HNRNPU: variants seen among roughly 807,000 people sequenced by gnomAD.
HNRNPU encodes the protein HNRNPU antisense RNA 1.
Under a neutral mutation model 94.7 loss-of-function variants are expected in HNRNPU, and 5 were observed. The observed-to-expected ratio is 0.05, with a 90% CI of 0.03 to 0.11. The LOEUF (loss-of-function observed/expected upper bound fraction) is 0.11. Among genes scored for constraint, HNRNPU ranks in the 10% least tolerant of loss-of-function variants. The pLI is 1.00. For synonymous variants in HNRNPU, 434 were observed against 381.6 expected, an observed-to-expected ratio of 1.14 and a Z score of -1.60; for missense variants, 710 against 1,049.2, an observed-to-expected ratio of 0.68 and a Z score of 4.47.
chr1:244,857,989 T>C, intron 7 of HNRNPU, 22 bp downstream of exon 7: 4 of 1,375,230 alleles, frequency 2.9e-6, no homozygotes, highest in Non-Finnish European at 4.0e-6. Flanking sequence ...ATGCCACAGT[T>C]AAAAAAAAAA....
chr1:244,858,092 T>C lies in HNRNPU; in HGVS notation c.1413A>G (p.Glu471=), dbSNP rs1297107643. Residue 471 remains glutamate, a synonymous_variant, in exon 7 of 14, where the codon GAA becomes GAG. Coordinates refer to ENST00000640218, the MANE Select transcript of HNRNPU (RefSeq NM_031844.3). ...QKEKPYFPIP[E]EYTFIQNVPL... The stretch of plus-strand genomic sequence containing the variant: ...GGACGTTCTGGATGAAAGTATACTC[T>C]TCAGGTATTGGAAAATATGGCTTTT... The C allele has an allele frequency of 1.9e-6, 3 of 1,614,066 alleles. No homozygotes were observed. The highest frequency in any genetic ancestry group is 2.2e-5 in the East Asian group (1 of 44,876).
chr1:244,856,391 A>C, intron 10 of HNRNPU, 66 bp downstream of exon 10: 1 of 1,485,436 alleles, frequency 6.7e-7, no homozygotes, highest in Non-Finnish European at 9.2e-7. Flanking sequence ...ACACAAGCAG[A>C]ATATGTAGGA....
chr1:244,862,500 C>T lies in HNRNPU; in HGVS notation c.838G>A (p.Asp280Asn), dbSNP rs1428488192. The T allele has an allele frequency of 6.2e-6, 10 of 1,613,310 alleles. No homozygotes were observed. The highest frequency in any genetic ancestry group is 3.3e-5 in the Admixed American group (2 of 59,968). Reference protein sequence around the residue: ...KSPQPPVEEEDEHFDDTVVCL... With the variant: ...KSPQPPVEEENEHFDDTVVCL... ...ACCACTGTGTCATCGAAGTGTTCATCTTCTTCTTCAACAGGTGGCTGAGGA... is the reference window on the plus strand; with the variant it reads ...ACCACTGTGTCATCGAAGTGTTCATTTTCTTCTTCAACAGGTGGCTGAGGA... The change falls in exon 3 of 14, where the codon GAT becomes AAT. Residue 280 changes from aspartate to asparagine, a missense_variant. Transcript: ENST00000640218.
chr1:244,862,418 CCAT>C (rs1680861888), intron 3 of HNRNPU, 40 bp downstream of exon 3: 9 of 1,108,864 alleles, frequency 8.1e-6, no homozygotes, highest in African/African-American at 1.9e-5. Flanking sequence ...AAAAAAACCA[CCAT>C]CACCGCATTT....
At chr1:244,863,015 A>C (rs1394054109) in intron 1 of HNRNPU, 1 of 381,466 alleles carries the variant, frequency 2.6e-6, no homozygotes, top group South Asian at 3.5e-5. Flanking sequence ...AAGAGAGCGC[A>C]GAGAGGGGGA....
intron 3 of HNRNPU, chr1:244,862,171 A>T (rs554829607): frequency 6.1e-6 from 2 of 325,448 alleles, no homozygotes; most frequent in Non-Finnish European, 1.1e-5. Flanking sequence ...TAGTGTTACA[A>T]GTTTCCGTTA....
At position 244,854,451 on chromosome 1, in the gene HNRNPU, C is replaced by A; in HGVS notation, c.2477G>T (p.Ter826LeuextTer4). The A allele has an allele frequency of 6.3e-7, 1 of 1,584,734 alleles. No homozygotes were observed. The highest frequency in any genetic ancestry group is 1.1e-5 in the South Asian group (1 of 90,304). ...WSQHYHQGYY[*>L] ...TATCAGTTCGTTTTATTTGGGTATT[C>A]AATAATATCCTTGGTGATAATGCTG... The change falls in exon 14 of 14, where the codon TGA becomes TTA. Residue 826 changes from the stop codon to leucine, a stop_lost. Coordinates refer to ENST00000640218, the MANE Select transcript of HNRNPU (RefSeq NM_031844.3).
intron 4 of HNRNPU, 55 bp from the exon 5 acceptor site, chr1:244,859,429 A>G: frequency 1.2e-6 from 1 of 865,312 alleles, no homozygotes; most frequent in Non-Finnish European, 1.9e-6. Flanking sequence ...GTAACCCCTT[A>G]ACTCTCGCAT....
Position 244,864,399 on chromosome 1 carries a change from C to G in HNRNPU, c.-92G>C. The stretch of plus-strand genomic sequence containing the variant: ...GCGGCTGCTGCGGCTGCTCCTCGGC[C>G]CGGGCGGCGGCTGCGGCTGCGGCTG... On this transcript the variant is annotated 5_prime_UTR_variant, in exon 1 of 14. Coordinates refer to ENST00000640218, the MANE Select transcript of HNRNPU (RefSeq NM_031844.3). The G allele has an allele frequency of 1.9e-6, 3 of 1,574,968 alleles. No individual in the cohort carries two copies. In the South Asian group the frequency reaches 3.4e-5, roughly 18 times the overall value.
chr1:244,864,492 C>G lies in HNRNPU; in HGVS notation c.-185G>C, dbSNP rs930305002. Reference sequence around the variant, plus strand: ...CGGCGCCAATTCCTTTCACCGAGTTCGCGAGGGAGACGCGGAGACTCGCCT... The same window carrying G: ...CGGCGCCAATTCCTTTCACCGAGTTGGCGAGGGAGACGCGGAGACTCGCCT... On this transcript the variant is annotated 5_prime_UTR_variant, in exon 1 of 14. Transcript: ENST00000640218. The G allele has an allele frequency of 2.0e-6, 2 of 1,019,230 alleles. No individual in the cohort carries two copies. Among genetic ancestry groups the G allele is most frequent in the Non-Finnish European group, 2.7e-6 (2 of 729,862 alleles). 63.1% of individuals were successfully genotyped at this position (1,019,230 alleles called of 1,614,324 possible).
chr1:244,860,708 A>G (rs1342235446), intron 3 of HNRNPU: 1 of 560,022 alleles, frequency 1.8e-6, no homozygotes, highest in Admixed American at 3.5e-5. Flanking sequence ...AAGGTTTAAC[A>G]TGTATATTTT....
intron 13 of HNRNPU, 103 bp downstream of exon 13, chr1:244,854,870 T>G: frequency 3.0e-6 from 3 of 989,148 alleles, no homozygotes; most frequent in Non-Finnish European, 4.8e-6. Flanking sequence ...CTATTAACAC[T>G]TATAAACACT....
Position 244,858,526 on chromosome 1 carries a change from T to C in HNRNPU, c.1230+203A>G. ...CTAGGTCAATTTCATGTTCACTGTT[T>C]TCAGTCAAAATGAATTAGTGAGTTC... On this transcript the variant is annotated intron_variant, in intron 6 of 13. Coordinates refer to ENST00000640218, the MANE Select transcript of HNRNPU (RefSeq NM_031844.3). The C allele has an allele frequency of 6.6e-6, 4 of 607,384 alleles. No individual in the cohort carries two copies. In the Admixed American group the frequency reaches 1.3e-4, roughly 19 times the overall value. 37.6% of individuals were successfully genotyped at this position (607,384 alleles called of 1,614,324 possible). A position where few individuals can be genotyped will look rare whatever the true frequency, so the allele number is the denominator to read the frequency against.
intron 12 of HNRNPU, 107 bp from the exon 13 acceptor site, chr1:244,855,151 A>T (rs992288946): frequency 5.5e-5 from 48 of 877,342 alleles, no homozygotes; most frequent in Non-Finnish European, 7.9e-5. Context: ...CCCTAATCTT[A>T]GGTAGCAAGC....
At position 244,850,371 on chromosome 1, in the gene HNRNPU, AG is replaced by A. The variant is rs1680508045; in HGVS notation, c.*4078del. On this transcript the variant is annotated 3_prime_UTR_variant, in exon 14 of 14. Coordinates refer to ENST00000640218, the MANE Select transcript of HNRNPU (RefSeq NM_031844.3). ...GGTGCTAATACTAGGCAAAGAAAAC[AG>A]GACGATTCAAGAGCAGCCTATGTAA... 1 of 152,206 alleles carries A rather than the reference AG, an allele frequency of 6.6e-6. No individual in the cohort carries two copies. The highest frequency in any genetic ancestry group is 1.5e-5 in the Non-Finnish European group (1 of 68,044). 9.4% of individuals were successfully genotyped at this position (152,206 alleles called of 1,614,324 possible).
At chr1:244,855,163 A>G in intron 12 of HNRNPU, 119 bp from the exon 13 acceptor site, 1 of 813,668 alleles carries the variant, frequency 1.2e-6, no homozygotes, top group Non-Finnish European at 2.1e-6. Flanking sequence ...GTAGCAAGCA[A>G]TACACAAATT....
intron 5 of HNRNPU, chr1:244,859,049 A>AT (rs1680755553): frequency 3.4e-6 from 2 of 581,340 alleles, no homozygotes; most frequent in Middle Eastern, 3.9e-4. Flanking sequence ...GACGATTTGC[A>AT]TATCACGGGT....
chr1:244,854,843 A>G (rs1680637322), intron 13 of HNRNPU, 130 bp downstream of exon 13: 1 of 745,978 alleles, frequency 1.3e-6, no homozygotes, highest in East Asian at 2.7e-5. Flanking sequence ...CTACTGCAAG[A>G]CGATTCACAC....
At position 244,850,545 on chromosome 1, in the gene HNRNPU, A is replaced by T. The variant is rs1027655864; in HGVS notation, c.*3905T>A. On this transcript the variant is annotated 3_prime_UTR_variant, in exon 14 of 14. Transcript: ENST00000640218. ...CTAAGTTTTAGGGTAAATTTAGGCA[A>T]TTAACAATTCGAAGAGACTTGTGGT... The T allele has an allele frequency of 1.4e-5, 2 of 145,110 alleles. No individual in the cohort carries two copies. Among genetic ancestry groups the T allele is most frequent in the African/African-American group, 5.0e-5 (2 of 39,694 alleles). The allele number at this position is 145,110 out of a possible 1,614,324, so 9.0% of individuals were successfully genotyped here.
Sources: allele counts gnomAD v4.1 joint callset, GRCh38; gene constraint gnomAD v4.1.1; transcripts MANE v1.5; gene names NCBI Gene and HGNC (gene_info 2026-07-23, HGNC 2026-07-21).